The following RAI14 variants were observed in gnomAD, a reference collection of about 807,000 sequenced individuals.
RAI14 encodes the protein ankycorbin.
RAI14 carries 45 observed loss-of-function variants against 115.4 expected under a neutral mutation model. That is an observed-to-expected ratio of 0.39 (90% CI 0.31 to 0.50). The LOEUF (loss-of-function observed/expected upper bound fraction) is 0.50. Among genes scored for constraint, RAI14 ranks in the 20% least tolerant of loss-of-function variants. RAI14 has a pLI of 0.85. For missense variants in RAI14, 939 were observed against 1,131.2 expected (o/e 0.83, Z 2.44); for synonymous variants, 371 against 415.4 (o/e 0.89, Z 1.30).
At chr5:34,805,510 A>G (rs928207233) in intron 5 of RAI14, among the ~76,000 whole-genome samples, 2 of 152,148 alleles carry the variant, frequency 1.3e-5, no homozygotes, top group Non-Finnish European at 2.9e-5. Flanking sequence ...TTCTCACGGC[A>G]ATGAGCACAA....
intron 3 of RAI14, among the ~76,000 whole-genome samples, chr5:34,774,638 T>G (rs1264267650): frequency 6.6e-6 from 1 of 151,926 alleles, no homozygotes; most frequent in Non-Finnish European, 1.5e-5. Context: ...ATGGAAACAT[T>G]CTTTAACAAT....
intron 3 of RAI14, among the ~76,000 whole-genome samples, chr5:34,783,265 C>T (rs994951287): frequency 6.6e-6 from 1 of 152,094 alleles, no homozygotes; most frequent in Non-Finnish European, 1.5e-5. Flanking sequence ...TTGTTCTGTC[C>T]TCAAGTAGGT....
At chr5:34,679,826 A>G (rs1388727138) in intron 1 of RAI14, among the ~76,000 whole-genome samples, 3 of 152,040 alleles carry the variant, frequency 2.0e-5, no homozygotes, top group Non-Finnish European at 2.9e-5. Flanking sequence ...GTGAAACCCA[A>G]TTACTATGTT....
At chr5:34,824,960 A>G in intron 15 of RAI14, among the ~76,000 whole-genome samples, 1 of 151,244 alleles carries the variant, frequency 6.6e-6, no homozygotes, top group Admixed American at 6.6e-5. Context: ...AAAAAAAAAA[A>G]AAAAAAAAGA....
chr5:34,662,168 C>A (rs1435487191), intron 1 of RAI14, among the ~76,000 whole-genome samples: 1 of 152,092 alleles, frequency 6.6e-6, no homozygotes, highest in African/African-American at 2.4e-5. Context: ...TGACTTTGTG[C>A]TTTTATCTAT....
chr5:34,668,979 C>T (rs758671813), intron 1 of RAI14, among the ~76,000 whole-genome samples: 1 of 152,176 alleles, frequency 6.6e-6, no homozygotes, highest in Non-Finnish European at 1.5e-5. Context: ...GCTTCAGCCT[C>T]CTGAGTAGCT....
At chr5:34,829,665 A>T in intron 16 of RAI14, 67 bp from the exon 17 acceptor site, 1 of 1,361,058 alleles carries the variant, frequency 7.3e-7, no homozygotes, top group Non-Finnish European at 1.0e-6. Context: ...GCTTTCTCAT[A>T]GTTTTTTGTT....
intron 3 of RAI14, among the ~76,000 whole-genome samples, chr5:34,769,085 G>T (rs1561336591): frequency 6.6e-6 from 1 of 151,894 alleles, no homozygotes; most frequent in Non-Finnish European, 1.5e-5. Flanking sequence ...AAGTAGTACT[G>T]CTGATTCTAT....
rs151033440 is a variant in RAI14, at chr5:34,824,102, C to A, written c.2260C>A (p.Leu754Ile). 6.2e-7 allele frequency: 1 copy of A among 1,614,140 alleles called. No individual in the cohort carries two copies. Among genetic ancestry groups the A allele is most frequent in the African/African-American group, 1.3e-5 (1 of 75,046 alleles). ...AKEMEEKISN[L>I]KEHLASKEVE... ...AGAGATGGAAGAAAAAATAAGCAAT[C>A]TTAAGGAACACCTTGCAAGCAAGGA... Residue 754 changes from leucine to isoleucine, a missense_variant, in exon 15 of 18, where the codon CTT (leucine) becomes ATT (isoleucine). Physicochemically the swap from Leu to Ile is conservative, Grantham distance 5. Transcript: ENST00000265109.
At chr5:34,684,218 T>A (rs1024542728) in intron 1 of RAI14, among the ~76,000 whole-genome samples, 1 of 152,212 alleles carries the variant, frequency 6.6e-6, no homozygotes, top group Non-Finnish European at 1.5e-5. Context: ...ACAAGTGTGT[T>A]CCTGTTCCGC....
intron 2 of RAI14, among the ~76,000 whole-genome samples, chr5:34,749,903 G>T (rs1199432032): frequency 6.6e-6 from 1 of 152,176 alleles, no homozygotes; most frequent in African/African-American, 2.4e-5. Flanking sequence ...TCATGTCTGT[G>T]AATGTTTCTC....
chr5:34,735,344 A>G (rs1744734389), intron 2 of RAI14, among the ~76,000 whole-genome samples: 1 of 152,222 alleles, frequency 6.6e-6, no homozygotes, highest in East Asian at 1.9e-4. Context: ...ATACTATCAA[A>G]CTTAATGAAA....
At chr5:34,734,392 A>G (rs1744594384) in intron 2 of RAI14, among the ~76,000 whole-genome samples, 1 of 152,192 alleles carries the variant, frequency 6.6e-6, no homozygotes, top group Non-Finnish European at 1.5e-5. Context: ...TAAAGGAGGT[A>G]TATGACCCCC....
rs755917493 is a variant in RAI14 at position 34,823,312 on chromosome 5, C to A, written c.1470C>A (p.Ser490Arg). ...GCCAGAAACTTAAAGAAACTCAGAG[C>A]AAATACGAGGAGGCTATGAAAGAAG... Reference protein sequence around the residue: ...DLSQKLKETQSKYEEAMKEVL... With the variant: ...DLSQKLKETQRKYEEAMKEVL... The change falls in exon 15 of 18, where the codon AGC becomes AGA. Residue 490 changes from serine (S) to arginine (R), a missense_variant. Transcript: ENST00000265109. The surrounding 1 kb of genome is among the most constrained non-coding windows in gnomAD (Gnocchi z 4.5). 2.5e-6 allele frequency: 4 copies of A among 1,613,846 alleles called. No individual in the cohort carries two copies. The highest frequency in any genetic ancestry group is 1.7e-5 in the Admixed American group (1 of 60,000).
chr5:34,786,177 A>T (rs1752272538), intron 3 of RAI14, among the ~76,000 whole-genome samples: 1 of 152,200 alleles, frequency 6.6e-6, no homozygotes, highest in Non-Finnish European at 1.5e-5. Context: ...CCAAATTTAA[A>T]AGGAAAAGGC....
At chr5:34,716,491 A>C (rs1838725) in intron 2 of RAI14, among the ~76,000 whole-genome samples, 84,770 of 151,622 alleles carry the variant, frequency 0.56, 24,278 homozygotes, top group African/African-American at 0.67. Context: ...CGGCTCACTG[A>C]AACCTCCACC....
intron 3 of RAI14, among the ~76,000 whole-genome samples, chr5:34,773,744 G>T (rs1056712979): frequency 6.6e-6 from 1 of 152,124 alleles, no homozygotes; most frequent in East Asian, 1.9e-4. Context: ...TTATTACAAA[G>T]GAAAAATAAC....
chr5:34,720,816 CTGCATG>C (rs1323902144), intron 2 of RAI14, among the ~76,000 whole-genome samples: 1 of 152,018 alleles, frequency 6.6e-6, no homozygotes, highest in Non-Finnish European at 1.5e-5. Flanking sequence ...TTTTGGAAAT[CTGCATG>C]TGCTATTCAC....
In RAI14 at chr5:34,823,486, A is replaced by T. The variant is rs753720107; in HGVS notation, c.1644A>T (p.Arg548Ser). 1 of 1,614,184 alleles carries T rather than the reference A, an allele frequency of 6.2e-7. No individual in the cohort carries two copies. Among genetic ancestry groups the T allele is most frequent in the Non-Finnish European group, 8.5e-7 (1 of 1,180,034 alleles). Residue 548 changes from arginine to serine, a missense_variant, in exon 15 of 18, where the codon AGA (arginine) becomes AGT (serine). By Grantham distance (110) the Arg-to-Ser change is moderately radical. Transcript: ENST00000265109. This position sits in a 1 kb window ranked among gnomAD's most constrained non-coding sequence, Gnocchi z 4.5. The stretch of plus-strand genomic sequence containing the variant: ...AGAATGCATTAGAAGAAAGTGAAAG[A>T]AATAAAGAGAAAGTGAGAGAGTTAG... ...DLQNALEESE[R>S]NKEKVRELEE...
Sources: gnomAD v4.1 joint callset for allele counts (sites outside exome capture counted in the v4.1 genomes callset) on GRCh38, gnomAD v4.1.1 for gene constraint, Gnocchi (gnomAD v3.1) non-coding constraint, MANE v1.5 for transcripts, NCBI Gene and HGNC (gene_info 2026-07-23, HGNC 2026-07-21) for gene names.